Variants in CSMD1 observed in about 807,000 individuals in gnomAD.
CSMD1 encodes the protein CUB and sushi domain-containing protein 1.
CSMD1 carries 213 observed loss-of-function variants against 417.5 expected under a neutral mutation model. The ratio of observed to expected loss-of-function variants is 0.51; its 90% CI spans 0.46 to 0.57. The LOEUF (loss-of-function observed/expected upper bound fraction) is 0.57, where lower values mean the gene tolerates loss of function less well. CSMD1 is among the 20% of genes least tolerant of loss of function. The probability of loss-of-function intolerance (pLI) is 0.00; values close to 1 mark genes in which losing one functional copy is unlikely to be tolerated. For missense variants in CSMD1, 6,923 were observed against 4,529.7 expected, an observed-to-expected ratio of 1.53 and a Z score of -15.17; for synonymous variants, 2,862 against 1,736.8, an observed-to-expected ratio of 1.65 and a Z score of -16.11.
intron 5 of CSMD1, among the ~76,000 whole-genome samples, chr8:3,969,686 G>C (rs1343778724): frequency 2.0e-5 from 3 of 152,120 alleles, no homozygotes; most frequent in African/African-American, 4.8e-5. Flanking sequence ...GTCAGTAGTG[G>C]ACATGGTTCA....
chr8:4,464,203 G>A (rs929112282), intron 2 of CSMD1, among the ~76,000 whole-genome samples: 1 of 152,088 alleles, frequency 6.6e-6, no homozygotes, highest in Non-Finnish European at 1.5e-5. Context: ...AGCCTTCCAA[G>A]ACCCAGTTTG....
At chr8:3,618,853 G>C (rs1432949477) in intron 7 of CSMD1, among the ~76,000 whole-genome samples, 1 of 152,190 alleles carries the variant, frequency 6.6e-6, no homozygotes, top group Non-Finnish European at 1.5e-5. Context: ...AAGCGGCCCA[G>C]TGACCAGTTT....
intron 1 of CSMD1, among the ~76,000 whole-genome samples, chr8:4,669,401 C>T (rs1805152428): frequency 6.6e-6 from 1 of 152,172 alleles, no homozygotes; most frequent in African/African-American, 2.4e-5. Flanking sequence ...AATGATTTCT[C>T]CTCATTTGAG....
At chr8:3,361,965 A>T (rs1198448895) in intron 20 of CSMD1, among the ~76,000 whole-genome samples, 2 of 152,188 alleles carry the variant, frequency 1.3e-5, no homozygotes, top group African/African-American at 4.8e-5. Context: ...GTATATTTGC[A>T]AGGTGTGCAT....
intron 38 of CSMD1, 74 bp from the exon 39 acceptor site, chr8:3,158,040 T>A: frequency 8.4e-7 from 1 of 1,186,374 alleles, no homozygotes; most frequent in African/African-American, 1.5e-5. Flanking sequence ...TTTGAGAATA[T>A]CTGCATTTTT....
chr8:4,209,387 C>A (rs765462720), intron 3 of CSMD1, among the ~76,000 whole-genome samples: 2 of 152,078 alleles, frequency 1.3e-5, no homozygotes, highest in Admixed American at 6.5e-5. Flanking sequence ...CTTCTGATGC[C>A]GAAGACTCTC....
chr8:3,866,517 A>G (rs1805116400), intron 5 of CSMD1, among the ~76,000 whole-genome samples: 1 of 152,212 alleles, frequency 6.6e-6, no homozygotes, highest in Non-Finnish European at 1.5e-5. Context: ...GTAAAGCATC[A>G]TGATCTAATG....
intron 7 of CSMD1, among the ~76,000 whole-genome samples, chr8:3,674,563 T>C (rs1799271688): frequency 6.6e-6 from 1 of 151,114 alleles, no homozygotes; most frequent in African/African-American, 2.4e-5. Context: ...CTATGTATCA[T>C]GTACTACATT....
At chr8:4,381,080 A>G (rs1404880641) in intron 3 of CSMD1, among the ~76,000 whole-genome samples, 1 of 152,158 alleles carries the variant, frequency 6.6e-6, no homozygotes, top group East Asian at 1.9e-4. Context: ...GTTGGTTCAA[A>G]AGTAATTGTG....
Position 3,087,217 on chromosome 8 carries a change from C to T in CSMD1, c.7354G>A (p.Gly2452Arg). Residue 2452 changes from glycine (G) to arginine (R), a missense_variant, in exon 49 of 70, where the codon GGA becomes AGA. Physicochemically the swap from Gly to Arg is moderately radical, Grantham distance 125. Transcript: ENST00000635120. ...TTGCAAAAATAATGCACTTTGCTTC[C>T]AACCGCTCCTGCAGTCCTGTTTAGA... ...GILNRTAGAVGSKVHYFCKPG... is the reference protein window; with the variant it reads ...GILNRTAGAVRSKVHYFCKPG... 1.9e-6 allele frequency: 3 copies of T among 1,613,964 alleles called. No homozygotes were observed. Among genetic ancestry groups the T allele is most frequent in the Non-Finnish European group, 1.7e-6 (2 of 1,179,882 alleles).
rs762174356 is a variant in CSMD1, at chr8:3,230,150, G to C, written c.4235C>G (p.Thr1412Ser). The change falls in exon 27 of 70, where the codon ACC (threonine) becomes AGC (serine). Residue 1412 changes from threonine to serine, a missense_variant. Coordinates refer to ENST00000635120, the MANE Select transcript of CSMD1 (RefSeq NM_033225.6). Reference sequence around the variant, plus strand: ...GCCAGGGTCACACTGGAATGTGACGGTGTCTCCAGCCTCTCTGCTGTCTCC... The same window carrying C: ...GCCAGGGTCACACTGGAATGTGACGCTGTCTCCAGCCTCTCTGCTGTCTCC... ...RYGDSREAGD[T>S]VTFQCDPGYQ... 7 of 1,613,446 alleles carry C rather than the reference G, an allele frequency of 4.3e-6. No homozygotes were observed. The Admixed American group carries it at 8.3e-5, about 19-fold the overall frequency.
At chr8:4,546,467 C>T in intron 2 of CSMD1, among the ~76,000 whole-genome samples, 1 of 152,140 alleles carries the variant, frequency 6.6e-6, no homozygotes, top group East Asian at 1.9e-4. Flanking sequence ...GGGCACCGAC[C>T]AACCCATGGC....
At chr8:4,626,454 G>T (rs1802118767) in intron 2 of CSMD1, among the ~76,000 whole-genome samples, 1 of 152,076 alleles carries the variant, frequency 6.6e-6, no homozygotes, top group African/African-American at 2.4e-5. Flanking sequence ...CTGTTTGAGG[G>T]TTTAGTGTGA....
At chr8:4,446,717 TTGTGTG>T (rs147599017) in intron 2 of CSMD1, among the ~76,000 whole-genome samples, 3 of 144,438 alleles carry the variant, frequency 2.1e-5, no homozygotes, top group African/African-American at 5.3e-5. Context: ...CATGCCTGAG[TTGTGTG>T]TGTGTGTGTC....
rs869248314 is a variant in CSMD1 at position 3,565,131 on chromosome 8, CAAAAAAAAAAAAAAAA to C, written c.1344+9798_1344+9813del. Among the ~76,000 whole-genome samples, 45 of 10,456 alleles carry C rather than the reference CAAAAAAAAAAAAAAAA, an allele frequency of 4.3e-3. No individual in the cohort carries two copies. The South Asian group carries it at 0.25, about 57-fold the overall frequency. 6.9% of individuals were successfully genotyped at this position (10,456 alleles called of 152,430 possible). ...TACTTAACTCTGTAGTGCAAGACAG[CAAAAAAAAAAAAAAAA>C]AAAAAAAAAAAAAGAGAGAGATCAA... is the stretch of plus-strand genomic sequence containing the variant. On this transcript the variant is annotated intron_variant, in intron 10 of 69. Coordinates refer to ENST00000635120, the MANE Select transcript of CSMD1 (RefSeq NM_033225.6).
chr8:4,007,028 C>A (rs912328876), intron 4 of CSMD1, among the ~76,000 whole-genome samples: 3 of 151,704 alleles, frequency 2.0e-5, no homozygotes, highest in Non-Finnish European at 4.4e-5. Context: ...TTAGTAGAGA[C>A]GGGGTTTCAC....
intron 3 of CSMD1, among the ~76,000 whole-genome samples, chr8:4,187,122 C>T (rs1159926154): frequency 6.7e-6 from 1 of 149,448 alleles, no homozygotes; most frequent in African/African-American, 2.5e-5. Flanking sequence ...TTCACCAAGT[C>T]TCCACTCTGT....
At chr8:4,991,285 A>G (rs2117479670) in intron 1 of CSMD1, among the ~76,000 whole-genome samples, 1 of 152,298 alleles carries the variant, frequency 6.6e-6, no homozygotes, top group South Asian at 2.1e-4. Flanking sequence ...AGAGAAAGGC[A>G]CACTTGGGAT....
At chr8:4,581,481 G>A (rs535314797) in intron 2 of CSMD1, among the ~76,000 whole-genome samples, 59 of 152,220 alleles carry the variant, frequency 3.9e-4, no homozygotes, top group African/African-American at 1.4e-3. Flanking sequence ...TTGAATATGA[G>A]ATAATCTTAT....
Sources: allele counts gnomAD v4.1 joint callset (sites outside exome capture counted in the v4.1 genomes callset), GRCh38; gene constraint gnomAD v4.1.1; transcripts MANE v1.5; gene names NCBI Gene and HGNC (gene_info 2026-07-23, HGNC 2026-07-21).